CFAP20DC: variants seen among roughly 807,000 people sequenced by gnomAD.
CFAP20DC encodes the protein protein CFAP20DC.
In CFAP20DC, 84 loss-of-function variants were observed where a neutral mutation model predicts 101.7. The ratio of observed to expected loss-of-function variants is 0.83; its 90% CI spans 0.69 to 0.99. The LOEUF is 0.99. Among genes scored for constraint, CFAP20DC ranks in the 50% least tolerant of loss-of-function variants. The pLI is 0.00. For synonymous variants in CFAP20DC, 359 were observed against 351.2 expected (o/e 1.02, Z -0.25); for missense variants, 1,007 against 970.3 (o/e 1.04, Z -0.50).
intron 12 of CFAP20DC, among the ~76,000 whole-genome samples, chr3:58,852,373 C>A (rs2078328355): frequency 6.6e-6 from 1 of 151,788 alleles, no homozygotes; most frequent in Non-Finnish European, 1.5e-5. Context: ...GACTTAGACT[C>A]CCACACATTA....
At chr3:58,757,086 G>A (rs2069024769) in intron 15 of CFAP20DC, among the ~76,000 whole-genome samples, 1 of 151,970 alleles carries the variant, frequency 6.6e-6, no homozygotes, top group African/African-American at 2.4e-5. Flanking sequence ...TCTAAAAGTG[G>A]GATTCCCAGA....
Position 58,743,603 on chromosome 3 carries a change from T to C in CFAP20DC, c.2333-1031A>G, listed in dbSNP as rs79009871. Among the ~76,000 whole-genome samples, 423 of 152,128 alleles carry C rather than the reference T, an allele frequency of 2.8e-3. 2 individuals are homozygous for C. Among genetic ancestry groups the C allele is most frequent in the African/African-American group, 9.6e-3 (398 of 41,482 alleles). On this transcript the variant is annotated intron_variant, in intron 16 of 16. Coordinates refer to ENST00000482387, the MANE Select transcript of CFAP20DC (RefSeq NM_001394063.1). ...TCACCAGGGTGAGCTTCAGAAGAGTTTGGATGGTGGGTATGGTGCAGGGCT... is the reference window on the plus strand; with the variant it reads ...TCACCAGGGTGAGCTTCAGAAGAGTCTGGATGGTGGGTATGGTGCAGGGCT...
At chr3:58,887,030 A>G (rs1304453910) in intron 6 of CFAP20DC, among the ~76,000 whole-genome samples, 1 of 152,186 alleles carries the variant, frequency 6.6e-6, no homozygotes, top group Admixed American at 6.5e-5. Context: ...TAGCCATGAC[A>G]TTTTTCTAAT....
chr3:58,942,514 T>G (rs2088754114), intron 4 of CFAP20DC, among the ~76,000 whole-genome samples: 1 of 152,220 alleles, frequency 6.6e-6, no homozygotes, highest in Admixed American at 6.5e-5. Context: ...CGTGAGGGAC[T>G]GTGCCATGAG....
chr3:58,919,592 G>A (rs2085121033), intron 5 of CFAP20DC, among the ~76,000 whole-genome samples: 1 of 152,166 alleles, frequency 6.6e-6, no homozygotes, highest in South Asian at 2.1e-4. Flanking sequence ...TCAATATAGA[G>A]AGCACTGGCA....
At chr3:58,843,303 C>A (rs1262066273) in intron 13 of CFAP20DC, among the ~76,000 whole-genome samples, 1 of 151,574 alleles carries the variant, frequency 6.6e-6, no homozygotes, top group Admixed American at 6.6e-5. Flanking sequence ...ATAACCAATA[C>A]AGAGAAGTGC....
At chr3:58,976,293 T>C (rs1199010650) in intron 4 of CFAP20DC, among the ~76,000 whole-genome samples, 1 of 151,942 alleles carries the variant, frequency 6.6e-6, no homozygotes, top group Non-Finnish European at 1.5e-5. Context: ...TAAAGGTAGG[T>C]GGGGAAATAG....
In CFAP20DC at chr3:58,900,711, G is replaced by A. The variant is rs145609795; in HGVS notation, c.550+12997C>T. 5.4e-3 allele frequency among the ~76,000 whole-genome samples: 822 copies of A among 152,328 alleles called. 7 individuals carry two copies. Among genetic ancestry groups the A allele is most frequent in the South Asian group, 0.019 (90 of 4,826 alleles). On this transcript the variant is annotated intron_variant, in intron 6 of 16. Coordinates refer to ENST00000482387, the MANE Select transcript of CFAP20DC (RefSeq NM_001394063.1). ...TGAGAAAGCTGACAGCTCATGCAGCGTCCAAGCACAACCAGATGGTGGGTT... is the reference window on the plus strand; with the variant it reads ...TGAGAAAGCTGACAGCTCATGCAGCATCCAAGCACAACCAGATGGTGGGTT...
At chr3:58,849,771 T>C (rs1559702022) in intron 12 of CFAP20DC, among the ~76,000 whole-genome samples, 1 of 152,148 alleles carries the variant, frequency 6.6e-6, no homozygotes, top group Non-Finnish European at 1.5e-5. Context: ...TACTTTGACT[T>C]TCTGATAAGT....
chr3:58,758,264 C>T (rs1326374966), intron 15 of CFAP20DC, among the ~76,000 whole-genome samples: 4 of 152,130 alleles, frequency 2.6e-5, no homozygotes, highest in African/African-American at 9.7e-5. Flanking sequence ...ATATTTAATG[C>T]TGGCCCATTG....
intron 12 of CFAP20DC, among the ~76,000 whole-genome samples, chr3:58,851,479 C>T (rs1331889332): frequency 6.6e-6 from 1 of 152,032 alleles, no homozygotes; most frequent in African/African-American, 2.4e-5. Context: ...TAACCCATGC[C>T]CTGTTATAAT....
intron 4 of CFAP20DC, among the ~76,000 whole-genome samples, chr3:58,970,068 T>G (rs2091859388): frequency 6.6e-6 from 1 of 152,212 alleles, no homozygotes; most frequent in South Asian, 2.1e-4. Context: ...CATTTATTGA[T>G]GATGAGACTT....
rs1048573391 is a variant in CFAP20DC at position 58,894,693 on chromosome 3, C to G, written c.551-9984G>C. Among the ~76,000 whole-genome samples, 7 of 152,338 alleles carry G rather than the reference C, an allele frequency of 4.6e-5. No individual in the cohort carries two copies. The highest frequency in any genetic ancestry group is 8.8e-5 in the Non-Finnish European group (6 of 68,030). ...GAGGATGGTGGCCCTCTTCTTACAG[C>G]TCCACTAGATGGTGCCCCAGTAGGG... On this transcript the variant is annotated intron_variant, in intron 6 of 16. Transcript: ENST00000482387. This position sits in a 1 kb window ranked among gnomAD's most constrained non-coding sequence, Gnocchi z 4.1.
chr3:59,030,474 T>C (rs567213400), intron 4 of CFAP20DC, among the ~76,000 whole-genome samples: 1 of 152,336 alleles, frequency 6.6e-6, no homozygotes, highest in Non-Finnish European at 1.5e-5. Flanking sequence ...GGAGAGAGAA[T>C]GTCTTCCCCA....
At chr3:58,800,955 GC>G (rs1489270632) in intron 15 of CFAP20DC, among the ~76,000 whole-genome samples, 3 of 128,668 alleles carry the variant, frequency 2.3e-5, no homozygotes, top group Non-Finnish European at 3.1e-5. Flanking sequence ...ACTTGCTCAT[GC>G]CCTCCCTCAA....
In CFAP20DC at chr3:58,822,489, A is replaced by C. The variant is rs182276177; in HGVS notation, c.2175+9197T>G. On this transcript the variant is annotated intron_variant, in intron 14 of 16. Coordinates refer to ENST00000482387, the MANE Select transcript of CFAP20DC (RefSeq NM_001394063.1). ...CATCAGGAGATATACCTAATGCTAG[A>C]TGACGTGTTAGTGGGTGTAGTGCAC... Among the ~76,000 whole-genome samples the C allele has an allele frequency of 2.0e-3, 309 of 151,246 alleles. 5 individuals carry two copies. The highest frequency in any genetic ancestry group is 7.3e-3 in the African/African-American group (300 of 40,842).
At chr3:58,999,537 C>A (rs936587092) in intron 4 of CFAP20DC, among the ~76,000 whole-genome samples, 1 of 152,072 alleles carries the variant, frequency 6.6e-6, no homozygotes, top group Admixed American at 6.5e-5. Flanking sequence ...ACAACTAATA[C>A]CATAATGATG....
intron 4 of CFAP20DC, among the ~76,000 whole-genome samples, chr3:58,978,352 C>T (rs767930296): frequency 5.3e-5 from 8 of 152,102 alleles, no homozygotes; most frequent in East Asian, 3.9e-4. Flanking sequence ...CAAATCTCTA[C>T]GAAAAGCAAC....
At chr3:58,959,992 G>T (rs1197849645) in intron 4 of CFAP20DC, among the ~76,000 whole-genome samples, 1 of 152,072 alleles carries the variant, frequency 6.6e-6, no homozygotes, top group Non-Finnish European at 1.5e-5. Context: ...TCTTGATTCA[G>T]TTGTGATAAG....
Sources: allele counts gnomAD v4.1 joint callset (sites outside exome capture counted in the v4.1 genomes callset), GRCh38; gene constraint gnomAD v4.1.1; non-coding constraint Gnocchi (gnomAD v3.1); transcripts MANE v1.5; gene names NCBI Gene and HGNC (gene_info 2026-07-23, HGNC 2026-07-21).